Variants in NARS2 observed in about 807,000 individuals in gnomAD.
NARS2 encodes the protein asparaginyl-tRNA synthetase 2, mitochondrial.
A neutral mutation model predicts 62.9 loss-of-function variants in NARS2; 60 were observed. That is an observed-to-expected ratio of 0.95 (90% CI 0.77 to 1.18). The LOEUF (loss-of-function observed/expected upper bound fraction) is 1.18. NARS2 is among the 50% of genes most tolerant of loss of function. NARS2 has a pLI of 0.00. For missense variants in NARS2, 619 were observed against 576.4 expected (o/e 1.07, Z -0.76); for synonymous variants, 196 against 200.0 (o/e 0.98, Z 0.17).
At chr11:78,459,777 C>T (rs1591145943) in intron 11 of NARS2, among the ~76,000 whole-genome samples, 1 of 151,680 alleles carries the variant, frequency 6.6e-6, no homozygotes, top group African/African-American at 2.4e-5. Flanking sequence ...TGGAAGTCCT[C>T]ACGTCTTTTG....
intron 7 of NARS2, among the ~76,000 whole-genome samples, chr11:78,479,228 G>A (rs543314595): frequency 9.9e-5 from 15 of 152,174 alleles, no homozygotes; most frequent in Non-Finnish European, 2.1e-4. Context: ...ATACATTTTT[G>A]CTTTGCTAAT....
intron 5 of NARS2, among the ~76,000 whole-genome samples, chr11:78,539,543 G>A (rs1855528091): frequency 2.0e-5 from 3 of 152,204 alleles, no homozygotes; most frequent in Admixed American, 6.5e-5. Flanking sequence ...CAAGTAGGCA[G>A]ATGCTTCTAC....
intron 6 of NARS2, among the ~76,000 whole-genome samples, chr11:78,501,586 T>C (rs1256308191): frequency 6.6e-6 from 1 of 152,180 alleles, no homozygotes; most frequent in Non-Finnish European, 1.5e-5. Context: ...GCTCTACTAG[T>C]AATTATGATG....
At chr11:78,469,048 A>AT (rs1423674785) in intron 10 of NARS2, among the ~76,000 whole-genome samples, 199 bp downstream of exon 10, 1 of 152,162 alleles carries the variant, frequency 6.6e-6, no homozygotes, top group Non-Finnish European at 1.5e-5. Flanking sequence ...ATTTATTTTT[A>AT]TTCTTAATTA....
intron 5 of NARS2, among the ~76,000 whole-genome samples, chr11:78,555,756 T>C (rs1856328741): frequency 6.6e-6 from 1 of 152,178 alleles, no homozygotes; most frequent in Admixed American, 6.5e-5. Context: ...TCTCTAATTA[T>C]TTCCGTTGTG....
chr11:78,520,028 T>C (rs11605617), intron 6 of NARS2, among the ~76,000 whole-genome samples: 3,215 of 152,118 alleles, frequency 0.021, 48 homozygotes, highest in South Asian at 0.037. Context: ...GTTATATTTA[T>C]AAAAACAGCT....
chr11:78,509,547 A>C (rs912609658), intron 6 of NARS2, among the ~76,000 whole-genome samples: 18 of 152,194 alleles, frequency 1.2e-4, no homozygotes, highest in African/African-American at 1.9e-4. Flanking sequence ...TTAAAAAAAA[A>C]CCTAAAACTA....
chr11:78,572,624 GTTCTTTAC>G (rs1856970590), intron 1 of NARS2, among the ~76,000 whole-genome samples: 1 of 152,048 alleles, frequency 6.6e-6, no homozygotes, highest in African/African-American at 2.4e-5. Context: ...TTTTCTTATA[GTTCTTTAC>G]TTACCTTACT....
intron 7 of NARS2, among the ~76,000 whole-genome samples, chr11:78,480,501 C>T (rs1243605200): frequency 1.3e-5 from 2 of 151,664 alleles, no homozygotes; most frequent in East Asian, 1.9e-4. Flanking sequence ...GTGATCTGCC[C>T]ACCTTGGCCT....
At chr11:78,535,282 G>A (rs1020781102) in intron 5 of NARS2, among the ~76,000 whole-genome samples, 1 of 152,076 alleles carries the variant, frequency 6.6e-6, no homozygotes, top group Non-Finnish European at 1.5e-5. Context: ...CGTCACTTCC[G>A]ATTCTTGAAA....
At chr11:78,452,686 G>A (rs1010267510) in intron 11 of NARS2, among the ~76,000 whole-genome samples, 2 of 152,070 alleles carry the variant, frequency 1.3e-5, no homozygotes, top group African/African-American at 4.8e-5. Flanking sequence ...TGGGATGACA[G>A]GCATGAGTCA....
chr11:78,559,251 C>A (rs916823884), intron 5 of NARS2, among the ~76,000 whole-genome samples: 3 of 121,402 alleles, frequency 2.5e-5, no homozygotes, highest in Non-Finnish European at 4.7e-5. Flanking sequence ...TGCAGTGAGT[C>A]GAGATCACAC....
intron 5 of NARS2, among the ~76,000 whole-genome samples, chr11:78,542,222 A>C (rs1306140525): frequency 2.0e-5 from 3 of 152,244 alleles, no homozygotes; most frequent in Non-Finnish European, 4.4e-5. Flanking sequence ...ACTGTTTGTA[A>C]ACAGTGTTTT....
chr11:78,523,456 C>T (rs1466892708), intron 6 of NARS2, among the ~76,000 whole-genome samples: 2 of 152,176 alleles, frequency 1.3e-5, no homozygotes, highest in Non-Finnish European at 2.9e-5. Context: ...CCATTAATTT[C>T]GCTCCTAGGT....
chr11:78,475,891 G>T (rs566645355), intron 9 of NARS2, among the ~76,000 whole-genome samples: 4 of 152,088 alleles, frequency 2.6e-5, no homozygotes, highest in African/African-American at 4.8e-5. Context: ...ATGAGCCAAC[G>T]TGTCTCATTC....
intron 13 of NARS2, among the ~76,000 whole-genome samples, chr11:78,439,395 C>A (rs115716829): frequency 0.016 from 2,450 of 151,942 alleles, 55 homozygotes; most frequent in African/African-American, 0.056. Flanking sequence ...CTAGTTTTTA[C>A]AAACTATAAA....
intron 7 of NARS2, among the ~76,000 whole-genome samples, chr11:78,484,395 C>G (rs1321990967): frequency 1.3e-5 from 2 of 152,080 alleles, no homozygotes; most frequent in Non-Finnish European, 2.9e-5. Flanking sequence ...CAAATGGAAT[C>G]TAATTAAACT....
At chr11:78,554,938 C>T (rs1345894316) in intron 5 of NARS2, among the ~76,000 whole-genome samples, 2 of 152,084 alleles carry the variant, frequency 1.3e-5, no homozygotes, top group Admixed American at 6.6e-5. Context: ...CAGGTATGTT[C>T]CTTCAATATC....
chr11:78,467,874 GTCTT>G (rs1858688674), intron 10 of NARS2, among the ~76,000 whole-genome samples: 1 of 151,908 alleles, frequency 6.6e-6, no homozygotes, highest in African/African-American at 2.4e-5. Flanking sequence ...TCGAGACAAG[GTCTT>G]TCTCTGTCAC....
Sources: allele counts gnomAD v4.1 joint callset (sites outside exome capture counted in the v4.1 genomes callset), GRCh38; gene constraint gnomAD v4.1.1; transcripts MANE v1.5; gene names NCBI Gene and HGNC (gene_info 2026-07-23, HGNC 2026-07-21).